The following BBX variants were observed in gnomAD, a reference collection of about 807,000 sequenced individuals.
BBX encodes the protein HMG box transcription factor BBX.
In BBX, 30 loss-of-function variants were observed where a neutral mutation model predicts 100.2. That is an observed-to-expected ratio of 0.30 (90% CI 0.22 to 0.41). The LOEUF (loss-of-function observed/expected upper bound fraction) is 0.41, where lower values mean the gene tolerates loss of function less well. Among genes scored for constraint, BBX ranks in the 10% least tolerant of loss-of-function variants. BBX has a pLI of 1.00. For missense variants in BBX, 1,023 were observed against 1,129.8 expected (o/e 0.91, Z 1.35); for synonymous variants, 376 against 388.1 (o/e 0.97, Z 0.37).
At chr3:107,605,992 G>A (rs946128049) in intron 2 of BBX, among the ~76,000 whole-genome samples, 2 of 152,040 alleles carry the variant, frequency 1.3e-5, no homozygotes, top group Non-Finnish European at 1.5e-5. Context: ...TATTACTTTC[G>A]AAAAGCTCCA....
intron 6 of BBX, among the ~76,000 whole-genome samples, chr3:107,730,741 T>G (rs1169878152): frequency 1.3e-5 from 2 of 152,206 alleles, no homozygotes; most frequent in Non-Finnish European, 2.9e-5. Context: ...TTTATCTCAT[T>G]ATGTAATGGC....
intron 3 of BBX, among the ~76,000 whole-genome samples, chr3:107,688,338 C>G (rs1315478707): frequency 6.6e-6 from 1 of 152,178 alleles, no homozygotes; most frequent in African/African-American, 2.4e-5. Flanking sequence ...CAGTTCTTTT[C>G]AGACTCTTTT....
At chr3:107,661,722 CTT>C (rs1289417945) in intron 3 of BBX, 14 of 253,574 alleles carry the variant, frequency 5.5e-5, no homozygotes, top group Non-Finnish European at 8.1e-5. Flanking sequence ...ACTTCTGACT[CTT>C]TTGCTCCTCT....
intron 3 of BBX, among the ~76,000 whole-genome samples, chr3:107,675,311 T>C (rs2059226380): frequency 6.6e-6 from 1 of 152,170 alleles, no homozygotes; most frequent in Non-Finnish European, 1.5e-5. Context: ...ACTTCTGTTT[T>C]TTGGCCATCA....
At chr3:107,620,475 A>G (rs2055659756) in intron 2 of BBX, among the ~76,000 whole-genome samples, 1 of 152,164 alleles carries the variant, frequency 6.6e-6, no homozygotes, top group African/African-American at 2.4e-5. Flanking sequence ...TATTTTGGGT[A>G]TTATGTTGTG....
chr3:107,646,501 C>T (rs1351634853), intron 3 of BBX, among the ~76,000 whole-genome samples: 2 of 152,036 alleles, frequency 1.3e-5, no homozygotes, highest in African/African-American at 4.8e-5. Flanking sequence ...TAGTTATTTT[C>T]AAAGCTGTCG....
At chr3:107,585,174 C>T (rs936587030) in intron 2 of BBX, among the ~76,000 whole-genome samples, 8 of 152,028 alleles carry the variant, frequency 5.3e-5, no homozygotes, top group South Asian at 2.1e-4. Context: ...GGAGGTAACC[C>T]ACCACTGCAT....
intron 5 of BBX, 137 bp downstream of exon 5, chr3:107,716,986 A>G: frequency 1.8e-6 from 2 of 1,133,526 alleles, no homozygotes; most frequent in South Asian, 3.2e-5. Context: ...TAAAAACATA[A>G]CCGCTTTCTT....
At chr3:107,765,524 C>G (rs1188494411) in intron 10 of BBX, among the ~76,000 whole-genome samples, 1 of 152,010 alleles carries the variant, frequency 6.6e-6, no homozygotes, top group Non-Finnish European at 1.5e-5. Context: ...GTTGCCCACA[C>G]TGGTCTGAAA....
At chr3:107,532,640 G>A (rs2048239108) in intron 2 of BBX, among the ~76,000 whole-genome samples, 1 of 152,080 alleles carries the variant, frequency 6.6e-6, no homozygotes, top group South Asian at 2.1e-4. Flanking sequence ...CCAAAAGCTG[G>A]GGAAATGTAC....
chr3:107,649,297 A>T (rs1176658950), intron 3 of BBX, among the ~76,000 whole-genome samples: 2 of 152,202 alleles, frequency 1.3e-5, no homozygotes, highest in East Asian at 3.8e-4. Context: ...CAACATCTGC[A>T]TATCTTAAAA....
intron 3 of BBX, chr3:107,661,968 G>A: frequency 1.1e-6 from 1 of 910,570 alleles, no homozygotes; most frequent in Non-Finnish European, 1.3e-6. Flanking sequence ...CATTTGTTAA[G>A]TGACTACTGT....
At chr3:107,737,799 G>A (rs1385137681) in intron 7 of BBX, among the ~76,000 whole-genome samples, 1 of 147,396 alleles carries the variant, frequency 6.8e-6, no homozygotes, top group African/African-American at 2.5e-5. Context: ...TACAGCTTAT[G>A]CATCAAGATT....
At chr3:107,713,296 C>T (rs1246631236) in intron 4 of BBX, among the ~76,000 whole-genome samples, 1 of 152,172 alleles carries the variant, frequency 6.6e-6, no homozygotes, top group East Asian at 1.9e-4. Context: ...AGCTGGAATA[C>T]ATTTTTAACT....
intron 2 of BBX, among the ~76,000 whole-genome samples, chr3:107,551,221 A>G (rs2049645748): frequency 1.3e-5 from 2 of 152,214 alleles, no homozygotes; most frequent in African/African-American, 2.4e-5. Flanking sequence ...ACACACACAT[A>G]CCAGGAAAGG....
At chr3:107,770,355 A>G (rs970054608) in intron 10 of BBX, among the ~76,000 whole-genome samples, 2 of 152,244 alleles carry the variant, frequency 1.3e-5, no homozygotes, top group African/African-American at 2.4e-5. Flanking sequence ...ACAGTGGCTG[A>G]AAAATCATAA....
chr3:107,764,547 T>A (rs766415273), intron 10 of BBX, among the ~76,000 whole-genome samples: 5 of 152,214 alleles, frequency 3.3e-5, no homozygotes, highest in Non-Finnish European at 7.3e-5. Context: ...GTATCAAATA[T>A]TTATGCCCAT....
chr3:107,659,658 C>G (rs1177243698), intron 3 of BBX: 2 of 1,105,424 alleles, frequency 1.8e-6, no homozygotes, highest in Non-Finnish European at 2.4e-6. Context: ...CTCAGGCTGT[C>G]TGGCTGCAGG....
intron 13 of BBX, among the ~76,000 whole-genome samples, chr3:107,785,719 CATG>C (rs2068348309): frequency 6.6e-6 from 1 of 152,072 alleles, no homozygotes; most frequent in Non-Finnish European, 1.5e-5. Flanking sequence ...ACACAGCTAA[CATG>C]ATACTTAATG....
Sources: allele counts gnomAD v4.1 joint callset (sites outside exome capture counted in the v4.1 genomes callset), GRCh38; gene constraint gnomAD v4.1.1; transcripts MANE v1.5; gene names NCBI Gene and HGNC (gene_info 2026-07-23, HGNC 2026-07-21).